SLC14A2: variants seen among roughly 807,000 people sequenced by gnomAD.
SLC14A2 encodes the protein urea transporter 2.
A neutral mutation model predicts 104.6 loss-of-function variants in SLC14A2; 91 were observed. The observed-to-expected ratio is 0.87, with a 90% CI of 0.73 to 1.04. The LOEUF (loss-of-function observed/expected upper bound fraction) is 1.04, where lower values mean the gene tolerates loss of function less well. Among genes scored for constraint, SLC14A2 ranks in the 50% least tolerant of loss-of-function variants. The probability of loss-of-function intolerance (pLI) is 0.00; values close to 1 mark genes in which losing one functional copy is unlikely to be tolerated. For missense variants in SLC14A2, 1,189 were observed against 1,156.0 expected, an observed-to-expected ratio of 1.03 and a Z score of -0.41; for synonymous variants, 476 against 466.4, an observed-to-expected ratio of 1.02 and a Z score of -0.27.
At chr18:45,668,739 G>C (rs1354111888) in intron 15 of SLC14A2, among the ~76,000 whole-genome samples, 1 of 152,220 alleles carries the variant, frequency 6.6e-6, no homozygotes, top group Non-Finnish European at 1.5e-5. Context: ...AGAGTGCAGA[G>C]AAAGAAACTG....
In SLC14A2 at chr18:45,667,871, C is replaced by A; in HGVS notation, c.1756C>A (p.Arg586=). ...PVFQFFDWVL[R]GTSQVMFVNN... Reference sequence around the variant, plus strand: ...GTTCCAGTTCTTTGACTGGGTCCTCCGAGGCACATCTCAAGTGATGTTTGT... The same window carrying A: ...GTTCCAGTTCTTTGACTGGGTCCTCAGAGGCACATCTCAAGTGATGTTTGT... Residue 586 remains arginine (R), a synonymous_variant, in exon 14 of 20, where the codon CGA becomes AGA. Transcript: ENST00000255226. The A allele has an allele frequency of 6.2e-7, 1 of 1,614,134 alleles. No individual in the cohort carries two copies. The highest frequency in any genetic ancestry group is 8.5e-7 in the Non-Finnish European group (1 of 1,180,000).
At chr18:45,245,982 T>G (rs2084364269) in intron 1 of SLC14A2, among the ~76,000 whole-genome samples, 1 of 151,016 alleles carries the variant, frequency 6.6e-6, no homozygotes, top group Non-Finnish European at 1.5e-5. Context: ...CTGTGTAGAT[T>G]CTTATTGAAT....
At chr18:45,254,698 C>T (rs1334430782) in intron 1 of SLC14A2, among the ~76,000 whole-genome samples, 6 of 152,072 alleles carry the variant, frequency 3.9e-5, no homozygotes, top group Non-Finnish European at 7.4e-5. Context: ...TCAGCAATCT[C>T]GGTGAAAATA....
chr18:45,204,810 TAAAAA>T, the SLC14A2 span, among the ~76,000 whole-genome samples: 4 of 138,198 alleles, frequency 2.9e-5, no homozygotes, highest in Non-Finnish European at 6.3e-5. Context: ...ATCACTGAGA[TAAAAA>T]AAAAAAAAAA....
intron 2 of SLC14A2, among the ~76,000 whole-genome samples, chr18:45,610,347 G>C (rs1484995707): frequency 6.6e-6 from 1 of 152,174 alleles, no homozygotes; most frequent in Admixed American, 6.5e-5. Context: ...ATCTAGGTCA[G>C]GGTTTCTCAA....
intron 1 of SLC14A2, among the ~76,000 whole-genome samples, chr18:45,457,999 C>T (rs1402254386): frequency 6.6e-6 from 1 of 152,074 alleles, no homozygotes; most frequent in African/African-American, 2.4e-5. Flanking sequence ...CACATGTGAG[C>T]CTTCGTAGGA....
rs139538008 is a variant in SLC14A2 at position 45,653,050 on chromosome 18, G to A, written c.1351+8890G>A. Among the ~76,000 whole-genome samples, 383 of 152,058 alleles carry A rather than the reference G, an allele frequency of 2.5e-3. 1 individual carries two copies. Among genetic ancestry groups the A allele is most frequent in the African/African-American group, 7.8e-3 (324 of 41,470 alleles). ...TCTCAAGAAGTTCAGGAGCCCTTGG[G>A]AGAAGCCAGGGCAAGAGAACAAGGG... On this transcript the variant is annotated intron_variant, in intron 10 of 19. Transcript: ENST00000255226.
At chr18:45,465,218 T>G (rs1598861083) in intron 1 of SLC14A2, among the ~76,000 whole-genome samples, 1 of 152,262 alleles carries the variant, frequency 6.6e-6, no homozygotes, top group African/African-American at 2.4e-5. Context: ...CACAGTGTCA[T>G]CCCCTTGCAA....
chr18:45,289,042 C>A (rs1280317678), intron 1 of SLC14A2, among the ~76,000 whole-genome samples: 1 of 152,200 alleles, frequency 6.6e-6, no homozygotes, highest in Non-Finnish European at 1.5e-5. Flanking sequence ...AAGTCCTGAG[C>A]AAGCTGGGGC....
chr18:45,485,987 TG>T (rs141954397), intron 2 of SLC14A2, among the ~76,000 whole-genome samples: 2,932 of 152,232 alleles, frequency 0.019, 96 homozygotes, highest in African/African-American at 0.066. Flanking sequence ...TCAAATCAAG[TG>T]GATGATGTTC....
chr18:45,350,187 C>T (rs1357645279), intron 1 of SLC14A2, among the ~76,000 whole-genome samples: 2 of 152,142 alleles, frequency 1.3e-5, no homozygotes, highest in African/African-American at 2.4e-5. Context: ...GCCAGAAAGC[C>T]AGAGAAACGT....
intron 1 of SLC14A2, among the ~76,000 whole-genome samples, chr18:45,305,854 G>A (rs1216079415): frequency 6.6e-6 from 1 of 152,122 alleles, no homozygotes; most frequent in Non-Finnish European, 1.5e-5. Context: ...TAATTTCAGA[G>A]AAGATATTTC....
intron 2 of SLC14A2, among the ~76,000 whole-genome samples, chr18:45,558,080 C>T (rs2044155464): frequency 6.6e-6 from 1 of 152,128 alleles, no homozygotes; most frequent in Non-Finnish European, 1.5e-5. Context: ...AATTCCTGGT[C>T]CTTCATCTAC....
At chr18:45,560,053 T>C (rs564548493) in intron 2 of SLC14A2, among the ~76,000 whole-genome samples, 34 of 152,308 alleles carry the variant, frequency 2.2e-4, no homozygotes, top group Admixed American at 3.9e-4. Context: ...TGGACCCACC[T>C]ATGAACATAT....
intron 1 of SLC14A2, among the ~76,000 whole-genome samples, chr18:45,447,103 T>G: frequency 6.6e-6 from 1 of 151,278 alleles, no homozygotes; most frequent in Admixed American, 6.6e-5. Context: ...TAGCTCCTGG[T>G]GGGAGGGATG....
chr18:45,540,335 A>G (rs1410420811), intron 2 of SLC14A2, among the ~76,000 whole-genome samples: 1 of 151,996 alleles, frequency 6.6e-6, no homozygotes, highest in African/African-American at 2.4e-5. Context: ...CCAGCCCCAC[A>G]TTCCCACCCC....
upstream of SLC14A2, among the ~76,000 whole-genome samples, chr18:45,610,848 C>T (rs927462327): frequency 2.6e-5 from 4 of 152,212 alleles, no homozygotes; most frequent in African/African-American, 7.2e-5. Context: ...GTGGCAGCAT[C>T]ACCACCTACT....
intron 2 of SLC14A2, among the ~76,000 whole-genome samples, chr18:45,496,998 G>C (rs1270068802): frequency 6.6e-6 from 1 of 152,126 alleles, no homozygotes; most frequent in Non-Finnish European, 1.5e-5. Context: ...CCTGGATTGA[G>C]GCTTTCTGAC....
At chr18:45,601,405 C>A (rs1599050817) in intron 2 of SLC14A2, among the ~76,000 whole-genome samples, 1 of 152,188 alleles carries the variant, frequency 6.6e-6, no homozygotes, top group Admixed American at 6.5e-5. Context: ...CATTTCCCCA[C>A]CCCTCTGGGC....
Sources: allele counts gnomAD v4.1 joint callset (sites outside exome capture counted in the v4.1 genomes callset), GRCh38; gene constraint gnomAD v4.1.1; transcripts MANE v1.5; gene names NCBI Gene and HGNC (gene_info 2026-07-23, HGNC 2026-07-21).